Variants in RMDN2 observed in about 807,000 individuals in gnomAD.
RMDN2 encodes the protein regulator of microtubule dynamics 2, also known as regulator of microtubule dynamics protein 2.
A neutral mutation model predicts 52.8 loss-of-function variants in RMDN2; 61 were observed. The ratio of observed to expected loss-of-function variants is 1.16; its 90% CI spans 0.94 to 1.43. RMDN2 has a LOEUF of 1.43. Ranked by LOEUF, RMDN2 falls within the 40% of genes most tolerant of loss-of-function variation. RMDN2 has a pLI of 0.00. For missense variants in RMDN2, 592 were observed against 475.3 expected, an observed-to-expected ratio of 1.25 and a Z score of -2.28; for synonymous variants, 180 against 153.1, an observed-to-expected ratio of 1.18 and a Z score of -1.30.
chr2:38,041,621 T>C (rs1374528265), intron 10 of RMDN2, among the ~76,000 whole-genome samples: 3 of 152,062 alleles, frequency 2.0e-5, no homozygotes, highest in Non-Finnish European at 4.4e-5. Flanking sequence ...ATTCCTCCTT[T>C]TTACTGAGAG....
intron 10 of RMDN2, among the ~76,000 whole-genome samples, chr2:38,016,371 C>T (rs2125245927): frequency 6.6e-6 from 1 of 152,170 alleles, no homozygotes; most frequent in East Asian, 1.9e-4. Flanking sequence ...AGGGAAACTC[C>T]ATAAATGTAA....
chr2:37,983,262 T>C (rs1402846412), intron 5 of RMDN2, among the ~76,000 whole-genome samples: 2 of 152,184 alleles, frequency 1.3e-5, no homozygotes, highest in Non-Finnish European at 2.9e-5. Context: ...AGGAGCAATG[T>C]TGAATTTGAA....
At chr2:37,995,379 A>T (rs1342381627) in intron 7 of RMDN2, among the ~76,000 whole-genome samples, 1 of 149,528 alleles carries the variant, frequency 6.7e-6, no homozygotes, top group Non-Finnish European at 1.5e-5. Context: ...ACACACACTC[A>T]TAAATTTTAA....
At chr2:38,021,925 C>T (rs1199659425), downstream of RMDN2, among the ~76,000 whole-genome samples, 1 of 152,208 alleles carries the variant, frequency 6.6e-6, no homozygotes, top group Non-Finnish European at 1.5e-5. Context: ...GGTTTAGGGA[C>T]CCCTGCTATA....
rs1558517351 is a variant in RMDN2, at chr2:37,989,567, C to G, written c.818C>G (p.Ser273Cys). 2.5e-6 allele frequency: 4 copies of G among 1,610,482 alleles called. No individual in the cohort carries two copies. The highest frequency in any genetic ancestry group is 1.7e-6 in the Non-Finnish European group (2 of 1,178,942). ...LWYAVLCGYV[S>C]EFEGLQNKIN... ...TATGCAGTTTTGTGTGGCTATGTAT[C>G]TGAGTTTGAGGGTTTACAAAACAAA... Residue 273 changes from serine (S) to cysteine (C), a missense_variant, in exon 6 of 11, where the codon TCT (serine) becomes TGT (cysteine). Ser to Cys is a moderately radical substitution (Grantham distance 112). Coordinates refer to ENST00000354545, the MANE Select transcript of RMDN2 (RefSeq NM_001170791.3).
intron 7 of RMDN2, among the ~76,000 whole-genome samples, chr2:37,995,801 C>T (rs1675456502): frequency 6.6e-6 from 1 of 152,006 alleles, no homozygotes; most frequent in African/African-American, 2.4e-5. Flanking sequence ...GATCATAATG[C>T]AATTAAACTA....
At chr2:38,034,366 G>A (rs1451097993) in intron 10 of RMDN2, among the ~76,000 whole-genome samples, 3 of 152,176 alleles carry the variant, frequency 2.0e-5, no homozygotes, top group African/African-American at 7.2e-5. Flanking sequence ...GGCTAGGGGA[G>A]CCTAGTTATA....
chr2:37,937,054 A>G (rs60935248), intron 2 of RMDN2, among the ~76,000 whole-genome samples: 2,053 of 152,044 alleles, frequency 0.014, 51 homozygotes, highest in African/African-American at 0.047. Context: ...CTTTAATCCA[A>G]TCCATCTTGA....
intron 10 of RMDN2, among the ~76,000 whole-genome samples, chr2:38,047,773 C>T (rs369056890): frequency 9.0e-4 from 137 of 152,330 alleles, no homozygotes; most frequent in African/African-American, 3.2e-3. Flanking sequence ...GTCTGCATCT[C>T]ATGGCAAATC....
intron 2 of RMDN2, among the ~76,000 whole-genome samples, chr2:37,931,908 C>T (rs1194097736): frequency 6.6e-6 from 1 of 152,152 alleles, no homozygotes; most frequent in South Asian, 2.1e-4. Context: ...AATACATCCC[C>T]AGTGCCTTGG....
At chr2:38,020,608 G>A (rs1370964034), downstream of RMDN2, among the ~76,000 whole-genome samples, 5 of 152,206 alleles carry the variant, frequency 3.3e-5, no homozygotes, top group African/African-American at 1.2e-4. Context: ...CACTGGGAGC[G>A]GCCAGCCGGC....
chr2:38,020,874 A>G (rs180711221), downstream of RMDN2, among the ~76,000 whole-genome samples: 19 of 151,630 alleles, frequency 1.3e-4, no homozygotes, highest in Non-Finnish European at 1.6e-4. Flanking sequence ...TCCATCGACC[A>G]CCCAAGGGCT....
chr2:37,925,028 G>A (rs760108170), upstream of RMDN2, among the ~76,000 whole-genome samples: 11 of 152,164 alleles, frequency 7.2e-5, no homozygotes, highest in Non-Finnish European at 1.3e-4. Context: ...CGGAGTGGCA[G>A]CAACGCGAGA....
At chr2:38,064,515 G>A (rs948956212) in intron 10 of RMDN2, among the ~76,000 whole-genome samples, 3 of 151,824 alleles carry the variant, frequency 2.0e-5, no homozygotes, top group Non-Finnish European at 2.9e-5. Context: ...GAAAGAAACA[G>A]GTTAGACTTC....
chr2:38,003,949 A>T, intron 8 of RMDN2, 42 bp from the exon 9 acceptor site: 2 of 1,424,532 alleles, frequency 1.4e-6, no homozygotes, highest in East Asian at 2.3e-5. Flanking sequence ...CTGTTATTTT[A>T]ATATTGCCCT....
intron 2 of RMDN2, among the ~76,000 whole-genome samples, chr2:37,964,579 A>G (rs562926176): frequency 7.2e-5 from 11 of 152,332 alleles, no homozygotes; most frequent in Admixed American, 2.0e-4. Context: ...AAATTAACTA[A>G]GACTTATTTC....
chr2:38,037,919 G>C (rs1318084951), intron 10 of RMDN2, among the ~76,000 whole-genome samples: 4 of 152,136 alleles, frequency 2.6e-5, no homozygotes, highest in Admixed American at 6.5e-5. Flanking sequence ...CATCCAGATC[G>C]TTCAGTATGA....
chr2:37,998,019 A>G (rs1388438499), intron 8 of RMDN2: 1 of 164,278 alleles, frequency 6.1e-6, no homozygotes, highest in Non-Finnish European at 1.3e-5. Context: ...CAGTATTCTC[A>G]ATCCTGTCTT....
chr2:38,066,420 T>C (rs1316501728), intron 10 of RMDN2, among the ~76,000 whole-genome samples: 1 of 152,242 alleles, frequency 6.6e-6, no homozygotes, highest in Non-Finnish European at 1.5e-5. Flanking sequence ...TGCTTTTAAA[T>C]GTATTTGAAT....
Sources: allele counts gnomAD v4.1 joint callset (sites outside exome capture counted in the v4.1 genomes callset), GRCh38; gene constraint gnomAD v4.1.1; transcripts MANE v1.5; gene names NCBI Gene and HGNC (gene_info 2026-07-23, HGNC 2026-07-21).